Variants in NR1D2 observed in about 807,000 individuals in gnomAD.
NR1D2 encodes the protein nuclear receptor subfamily 1 group D member 2.
NR1D2 carries 25 observed loss-of-function variants against 52.2 expected under a neutral mutation model. That is an observed-to-expected ratio of 0.48 (90% confidence interval 0.35 to 0.67). The LOEUF (loss-of-function observed/expected upper bound fraction) is 0.67. NR1D2 is among the 30% of genes least tolerant of loss of function. The pLI is 0.01. For synonymous variants in NR1D2, 259 were observed against 230.1 expected (o/e 1.13, Z -1.14); for missense variants, 681 against 707.2 (o/e 0.96, Z 0.42).
chr3:23,946,039 G>A (rs962723204), intron 1 of NR1D2: 14 of 930,982 alleles, frequency 1.5e-5, no homozygotes, highest in Non-Finnish European at 1.8e-5. Flanking sequence ...GGGCGCGCGC[G>A]CGCGCGCTGG....
chr3:23,946,180 C>T (rs1223028669), intron 1 of NR1D2: 3 of 985,170 alleles, frequency 3.0e-6, no homozygotes, highest in South Asian at 4.7e-5. Context: ...GCCCGCTGAG[C>T]CCCCGCGGCG....
intron 1 of NR1D2, among the ~76,000 whole-genome samples, chr3:23,949,362 C>T (rs7610299): frequency 6.7e-6 from 1 of 149,854 alleles, no homozygotes; most frequent in Non-Finnish European, 1.5e-5. Context: ...GAAACTCCGT[C>T]TGAAAAAAAA....
At chr3:23,963,220 A>C (rs753600737) in intron 5 of NR1D2, 1 of 1,306,166 alleles carries the variant, frequency 7.7e-7, no homozygotes, top group East Asian at 4.6e-5. Context: ...ATTCTACATC[A>C]AAGTACAGTG....
At chr3:23,975,645 G>A (rs1706705370) in intron 7 of NR1D2, among the ~76,000 whole-genome samples, 1 of 152,044 alleles carries the variant, frequency 6.6e-6, no homozygotes, top group Admixed American at 6.6e-5. Flanking sequence ...TGTAATCCCA[G>A]CTACTCAGGA....
intron 7 of NR1D2, among the ~76,000 whole-genome samples, chr3:23,974,847 C>T (rs909421131): frequency 6.7e-6 from 1 of 149,774 alleles, no homozygotes; most frequent in Non-Finnish European, 1.5e-5. Context: ...GAGACAGGCT[C>T]CCACTCTGTC....
chr3:23,960,718 A>G (rs1043514181), intron 4 of NR1D2, among the ~76,000 whole-genome samples: 8 of 152,208 alleles, frequency 5.3e-5, no homozygotes, highest in Admixed American at 2.0e-4. Flanking sequence ...AAAAGTACTA[A>G]TGCTATAAAA....
chr3:23,950,129 C>CT (rs1705884646), intron 1 of NR1D2, among the ~76,000 whole-genome samples: 1 of 152,184 alleles, frequency 6.6e-6, no homozygotes, highest in African/African-American at 2.4e-5. Flanking sequence ...ACTCTTCTTA[C>CT]TTTATCATCA....
In NR1D2 at chr3:23,959,787, GTGTC is replaced by G. The variant is rs750168025; in HGVS notation, c.497_500del (p.Ser166LeufsTer22). ...GATGTCAGCAATGTCGCTTCAAAAA[GTGTC>G]TGTCTGTTGGAATGTCAAGAGATGG... On this transcript the variant is annotated frameshift_variant, in exon 4 of 8. Transcript: ENST00000312521. LOFTEE classifies it high-confidence loss of function. 4.3e-6 allele frequency: 7 copies of G among 1,613,542 alleles called. No individual in the cohort carries two copies. Among genetic ancestry groups the G allele is most frequent in the Non-Finnish European group, 5.9e-6 (7 of 1,179,836 alleles).
chr3:23,967,166 AAAT>A (rs1419912693), intron 6 of NR1D2, among the ~76,000 whole-genome samples: 3 of 152,088 alleles, frequency 2.0e-5, no homozygotes, highest in African/African-American at 7.2e-5. Flanking sequence ...TCTCTACTAA[AAAT>A]AAAATCAGCT....
At chr3:23,971,297 A>G (rs1308552842) in intron 7 of NR1D2, among the ~76,000 whole-genome samples, 4 of 128,068 alleles carry the variant, frequency 3.1e-5, no homozygotes, top group African/African-American at 1.2e-4. Context: ...TTATATCTCT[A>G]TACCTATTTT....
chr3:23,969,603 A>G (rs1706535910), intron 7 of NR1D2, among the ~76,000 whole-genome samples: 1 of 152,240 alleles, frequency 6.6e-6, no homozygotes, highest in Admixed American at 6.5e-5. Context: ...GAAACCACAG[A>G]TAATCAATAC....
chr3:23,949,541 T>C (rs1169845630), intron 1 of NR1D2, among the ~76,000 whole-genome samples: 1 of 152,216 alleles, frequency 6.6e-6, no homozygotes, highest in Non-Finnish European at 1.5e-5. Context: ...CACAATCATG[T>C]GTGTGAAACA....
chr3:23,954,688 G>C lies in NR1D2; in HGVS notation c.168G>C (p.Lys56Asn), dbSNP rs1261763360. Reference protein sequence around the residue: ...SSNSDTNGNPKNGDLANIEGI... With the variant: ...SSNSDTNGNPNNGDLANIEGI... ...ATTCTGATACCAATGGTAATCCCAA[G>C]AATGGTGATCTCGCCAATATTGAAG... The change falls in exon 2 of 8, where the codon AAG becomes AAC. Residue 56 changes from lysine to asparagine, a missense_variant. Physicochemically the swap from Lys to Asn is moderately conservative, Grantham distance 94. Coordinates refer to ENST00000312521, the MANE Select transcript of NR1D2 (RefSeq NM_005126.5). 6.2e-7 allele frequency: 1 copy of C among 1,613,964 alleles called. No individual in the cohort carries two copies. The highest frequency in any genetic ancestry group is 8.5e-7 in the Non-Finnish European group (1 of 1,179,990).
At chr3:23,946,551 G>A (rs1000951233) in intron 1 of NR1D2, 8 of 152,556 alleles carry the variant, frequency 5.2e-5, no homozygotes, top group Admixed American at 3.3e-4. Context: ...TACACACACA[G>A]TCTTAAAAAC....
In NR1D2 at chr3:23,979,951, CATT is replaced by C. The variant is rs1706835380; in HGVS notation, c.*2533_*2535del. On this transcript the variant is annotated 3_prime_UTR_variant, in exon 8 of 8. Coordinates refer to ENST00000312521, the MANE Select transcript of NR1D2 (RefSeq NM_005126.5). ...AGGGCATTATGTCAGCAAGCTAAAA[CATT>C]TTTTTTCCTGTGCTTTTAATGTATC... 6.6e-6 allele frequency: 1 copy of C among 152,052 alleles called. No homozygotes were observed. Among genetic ancestry groups the C allele is most frequent in the Non-Finnish European group, 1.5e-5 (1 of 67,954 alleles). The allele number at this position is 152,052 out of a possible 1,614,324, so 9.4% of individuals were successfully genotyped here. A position where few individuals can be genotyped will look rare whatever the true frequency, so the allele number is the denominator to read the frequency against.
chr3:23,972,214 T>C (rs1453988404), intron 7 of NR1D2, among the ~76,000 whole-genome samples: 1 of 152,234 alleles, frequency 6.6e-6, no homozygotes, highest in Non-Finnish European at 1.5e-5. Flanking sequence ...AGCTGGGACA[T>C]GTTATTCACA....
intron 1 of NR1D2, among the ~76,000 whole-genome samples, chr3:23,953,739 C>T (rs548619138): frequency 6.6e-6 from 1 of 152,312 alleles, no homozygotes; most frequent in African/African-American, 2.4e-5. Context: ...AATGTTACAT[C>T]TGTTCTGGAT....
chr3:23,958,868 G>A (rs1706157044), intron 3 of NR1D2, among the ~76,000 whole-genome samples: 1 of 152,186 alleles, frequency 6.6e-6, no homozygotes, highest in Non-Finnish European at 1.5e-5. Flanking sequence ...AGAATCCCTT[G>A]AATCTGGGAG....
intron 4 of NR1D2, among the ~76,000 whole-genome samples, chr3:23,961,585 G>A (rs1380256035): frequency 1.5e-4 from 23 of 151,354 alleles, no homozygotes; most frequent in African/African-American, 4.4e-4. Context: ...TAGTAGAGAC[G>A]GGGTTTCACC....
Sources: allele counts gnomAD v4.1 joint callset (sites outside exome capture counted in the v4.1 genomes callset), GRCh38; gene constraint gnomAD v4.1.1; transcripts MANE v1.5; gene names NCBI Gene and HGNC (gene_info 2026-07-23, HGNC 2026-07-21).